The following SLC22A24 variants were observed in gnomAD, a reference collection of about 807,000 sequenced individuals.
SLC22A24 encodes solute carrier family 22 member 24, also known as steroid transmembrane transporter SLC22A24.
A neutral mutation model predicts 49.8 loss-of-function variants in SLC22A24; 53 were observed. That is an observed-to-expected ratio of 1.06 (90% CI 0.85 to 1.34). The LOEUF is 1.34. SLC22A24 is among the 40% of genes most tolerant of loss of function. The pLI is 0.00. For synonymous variants in SLC22A24, 302 were observed against 256.4 expected, an observed-to-expected ratio of 1.18 and a Z score of -1.70; for missense variants, 786 against 675.9, an observed-to-expected ratio of 1.16 and a Z score of -1.81.
chr11:63,098,713 A>G (rs770017530), intron 5 of SLC22A24, among the ~76,000 whole-genome samples: 1 of 152,086 alleles, frequency 6.6e-6, no homozygotes, highest in Non-Finnish European at 1.5e-5. Flanking sequence ...TAAACAATCT[A>G]ATGATGTGTC....
chr11:63,109,607 G>T (rs1176512404), intron 4 of SLC22A24, among the ~76,000 whole-genome samples: 14 of 150,722 alleles, frequency 9.3e-5, no homozygotes, highest in African/African-American at 2.9e-4. Flanking sequence ...GTGATGGTGA[G>T]CATTTTTTCA....
intron 1 of SLC22A24, among the ~76,000 whole-genome samples, chr11:63,138,301 A>G (rs972708589): frequency 3.3e-5 from 5 of 152,128 alleles, no homozygotes; most frequent in Non-Finnish European, 5.9e-5. Flanking sequence ...TTCATGTCAT[A>G]GTCCTACAAT....
intron 4 of SLC22A24, among the ~76,000 whole-genome samples, chr11:63,116,813 C>T (rs1164376083): frequency 6.6e-6 from 1 of 152,134 alleles, no homozygotes; most frequent in Non-Finnish European, 1.5e-5. Context: ...AATCTCAACA[C>T]TGTCTTCAAA....
Position 63,119,016 on chromosome 11 carries a change from A to T in SLC22A24, c.726T>A (p.Ser242Arg). 1 of 1,551,672 alleles carries T rather than the reference A, an allele frequency of 6.4e-7. No homozygotes were observed. Among genetic ancestry groups the T allele is most frequent in the African/African-American group, 1.4e-5 (1 of 73,170 alleles). The change falls in exon 4 of 10, where the codon AGT becomes AGA. Residue 242 changes from serine to arginine, a missense_variant. Transcript: ENST00000612278. ...GCCCTCCTAGGAGCATCTGCCCAAC[A>T]CTGTAGGAACATAATAGCACCATTA... ...MTIMVLLCSY[S>R]VGQMLLGGLA...
chr11:63,111,345 AG>A (rs2087162591), intron 4 of SLC22A24, among the ~76,000 whole-genome samples: 1 of 152,090 alleles, frequency 6.6e-6, no homozygotes, highest in South Asian at 2.1e-4. Context: ...CTTTGGTATC[AG>A]GATGATGCTG....
At chr11:63,094,594 C>A (rs1488309572) in intron 6 of SLC22A24, among the ~76,000 whole-genome samples, 1 of 152,178 alleles carries the variant, frequency 6.6e-6, no homozygotes, top group African/African-American at 2.4e-5. Context: ...TACAGTCCCA[C>A]CAACAGTGTG....
intron 6 of SLC22A24, among the ~76,000 whole-genome samples, chr11:63,095,269 A>G (rs1024366521): frequency 6.6e-6 from 1 of 152,196 alleles, no homozygotes; most frequent in African/African-American, 2.4e-5. Context: ...AGCCAAATAT[A>G]CATGTGCCTT....
intron 1 of SLC22A24, 101 bp from the exon 2 acceptor site, chr11:63,134,869 G>T: frequency 9.5e-6 from 7 of 740,176 alleles, no homozygotes; most frequent in Non-Finnish European, 1.6e-5. Flanking sequence ...ACAATCCTCT[G>T]CTAGGCAGGT....
In SLC22A24 at chr11:63,098,565, A is replaced by G. The variant is rs2087069680; in HGVS notation, c.955-2459T>C. Among the ~76,000 whole-genome samples the G allele has an allele frequency of 3.3e-5, 5 of 152,238 alleles. 1 individual carries two copies. In the Middle Eastern group the frequency reaches 0.01, roughly 311 times the overall value. ...TGCCACCCAGCTACTTGGGTGGCTG[A>G]GGGAGGAGAATCACTTGAACCTGGG... On this transcript the variant is annotated intron_variant, in intron 5 of 9. Coordinates refer to ENST00000612278, the MANE Select transcript of SLC22A24 (RefSeq NM_001136506.2).
At chr11:63,125,585 A>G (rs567678285) in intron 2 of SLC22A24, among the ~76,000 whole-genome samples, 1 of 152,068 alleles carries the variant, frequency 6.6e-6, no homozygotes, top group African/African-American at 2.4e-5. Flanking sequence ...GGTTCCAAGT[A>G]TTTGCTATTG....
chr11:63,114,861 C>G (rs2087200355), intron 4 of SLC22A24, among the ~76,000 whole-genome samples: 1 of 152,154 alleles, frequency 6.6e-6, no homozygotes, highest in Non-Finnish European at 1.5e-5. Flanking sequence ...CACTCCAGAC[C>G]CTGTTTGCCT....
At position 63,144,059 on chromosome 11, in the gene SLC22A24, T is replaced by C; in HGVS notation, c.-280A>G. The C allele has an allele frequency of 7.4e-6, 2 of 271,144 alleles. No individual in the cohort carries two copies. The highest frequency in any genetic ancestry group is 1.1e-4 in the Admixed American group (2 of 18,786). The allele number at this position is 271,144 out of a possible 1,614,324, so 16.8% of individuals were successfully genotyped here. A position where few individuals can be genotyped will look rare whatever the true frequency, so the allele number is the denominator to read the frequency against. The stretch of plus-strand genomic sequence containing the variant: ...CTGCTAGCTGTTGACAACTGAATCT[T>C]CTTAAAAGACTACTCTGTGAAAGAT... On this transcript the variant is annotated 5_prime_UTR_variant, in exon 1 of 10. Coordinates refer to ENST00000612278, the MANE Select transcript of SLC22A24 (RefSeq NM_001136506.2).
chr11:63,106,614 C>G (rs538878951), intron 4 of SLC22A24, among the ~76,000 whole-genome samples: 3 of 152,272 alleles, frequency 2.0e-5, no homozygotes, highest in African/African-American at 7.2e-5. Context: ...TTTTAATGAT[C>G]GCCATTCTAA....
At chr11:63,134,924 A>T (rs2134681830) in intron 1 of SLC22A24, among the ~76,000 whole-genome samples, 156 bp from the exon 2 acceptor site, 1 of 152,296 alleles carries the variant, frequency 6.6e-6, no homozygotes, top group East Asian at 1.9e-4. Flanking sequence ...CTTTTCTGGT[A>T]GCTCATATTC....
intron 5 of SLC22A24, among the ~76,000 whole-genome samples, chr11:63,099,648 T>C (rs2087078623): frequency 6.6e-6 from 1 of 152,016 alleles, no homozygotes; most frequent in Non-Finnish European, 1.5e-5. Flanking sequence ...TTAATATCCC[T>C]GATGAATATT....
At chr11:63,090,690 T>TAAATA (rs1198599701) in intron 6 of SLC22A24, among the ~76,000 whole-genome samples, 1 of 146,906 alleles carries the variant, frequency 6.8e-6, no homozygotes, top group Non-Finnish European at 1.5e-5. Context: ...AATAAATAAA[T>TAAATA]AATAGCTATC....
chr11:63,121,441 C>T (rs2087251281), intron 2 of SLC22A24, among the ~76,000 whole-genome samples: 1 of 151,902 alleles, frequency 6.6e-6, no homozygotes, highest in Admixed American at 6.6e-5. Flanking sequence ...TGGGGGATCA[C>T]TATGAAGAAC....
intron 6 of SLC22A24, among the ~76,000 whole-genome samples, chr11:63,093,994 A>AT (rs1032628349): frequency 7.3e-5 from 11 of 150,838 alleles, no homozygotes; most frequent in East Asian, 2.0e-4. Context: ...TTAAAAAAAA[A>AT]TTTGTTATTA....
intron 2 of SLC22A24, among the ~76,000 whole-genome samples, chr11:63,124,366 G>A (rs1404713846): frequency 1.3e-5 from 2 of 152,206 alleles, no homozygotes; most frequent in African/African-American, 2.4e-5. Context: ...TAAATTCGAT[G>A]TATGGATTAA....
Sources: gnomAD v4.1 joint callset for allele counts (sites outside exome capture counted in the v4.1 genomes callset) on GRCh38, gnomAD v4.1.1 for gene constraint, MANE v1.5 for transcripts, NCBI Gene and HGNC (gene_info 2026-07-23, HGNC 2026-07-21) for gene names.